MYH7: variants seen among roughly 807,000 people sequenced by gnomAD.
MYH7 encodes myosin heavy chain 7.
A neutral mutation model predicts 225.4 loss-of-function variants in MYH7; 129 were observed. The ratio of observed to expected loss-of-function variants is 0.57; its 90% CI spans 0.50 to 0.66. The LOEUF is 0.66. Among genes scored for constraint, MYH7 ranks in the 30% least tolerant of loss-of-function variants. The probability of loss-of-function intolerance (pLI) is 0.00; values close to 1 mark genes in which losing one functional copy is unlikely to be tolerated. For missense variants in MYH7, 1,649 were observed against 2,517.0 expected, an observed-to-expected ratio of 0.66 and a Z score of 7.38; for synonymous variants, 971 against 1,007.6, an observed-to-expected ratio of 0.96 and a Z score of 0.69.
At chr14:23,428,026 A>T (rs542026552) in intron 15 of MYH7, 132 bp from the exon 16 acceptor site, 1 of 1,156,700 alleles carries the variant, frequency 8.6e-7, no homozygotes, top group Admixed American at 2.2e-5. Context: ...CTCTGAGTAC[A>T]GTTATCTACT....
intron 29 of MYH7, among the ~76,000 whole-genome samples, chr14:23,418,935 C>G (rs1892347542): frequency 6.6e-6 from 1 of 152,172 alleles, no homozygotes; most frequent in African/African-American, 2.4e-5. Context: ...TCGTGCCTCC[C>G]TAGTTCATTT....
intron 11 of MYH7, 91 bp downstream of exon 11, chr14:23,430,469 C>G: frequency 9.6e-7 from 1 of 1,038,408 alleles, no homozygotes. Context: ...TTTAAACAAC[C>G]AATGGCCAGC....
In MYH7 at chr14:23,420,072, G is replaced by A. The variant is rs751695298; in HGVS notation, c.3499C>T (p.Arg1167Cys). 2 of 1,592,276 alleles carry A rather than the reference G, an allele frequency of 1.3e-6. No homozygotes were observed. Among genetic ancestry groups the A allele is most frequent in the Non-Finnish European group, 1.7e-6 (2 of 1,167,482 alleles). The change falls in exon 27 of 40, where the codon CGC becomes TGC. Residue 1167 changes from arginine (R) to cysteine (C), a missense_variant. Coordinates refer to ENST00000355349, the MANE Select transcript of MYH7 (RefSeq NM_000257.4). Reference sequence around the variant, plus strand: ...CGCATCTTCTGGAACTCGGCCTCGCGCTTCTTGTTCATCTCGATCTGCACG... The same window carrying A: ...CGCATCTTCTGGAACTCGGCCTCGCACTTCTTGTTCATCTCGATCTGCACG... ...TSVQIEMNKK[R>C]EAEFQKMRRD...
intron 31 of MYH7, 78 bp from the exon 32 acceptor site, chr14:23,417,396 G>T (rs1892265051): frequency 8.1e-6 from 13 of 1,611,404 alleles, no homozygotes; most frequent in Non-Finnish European, 1.1e-5. Context: ...ACCTGCCTGG[G>T]CTCAGCCCTC....
At chr14:23,421,196 G>A (rs2138656706) in intron 25 of MYH7, 148 bp from the exon 26 acceptor site, 1 of 690,614 alleles carries the variant, frequency 1.4e-6, no homozygotes, top group Non-Finnish European at 2.6e-6. Context: ...CCCTGGAAGT[G>A]TAACACCTGC....
At chr14:23,430,035 C>T in intron 11 of MYH7, 122 bp from the exon 12 acceptor site, 1 of 1,161,244 alleles carries the variant, frequency 8.6e-7, no homozygotes, top group South Asian at 1.3e-5. Context: ...GACTCCCATA[C>T]CCAGTGGGGA....
rs754470231 is a variant in MYH7, at chr14:23,424,805, C to A, written c.2643G>T (p.Leu881=). 6 of 1,614,088 alleles carry A rather than the reference C, an allele frequency of 3.7e-6. No homozygotes were observed. The African/African-American group carries it at 8.0e-5, about 22-fold the overall frequency. Residue 881 remains leucine (L), a synonymous_variant, in exon 22 of 40, where the codon CTG becomes CTT. Transcript: ENST00000355349. The part of the protein sequence containing the change: ...KELEEKMVSL[L]QEKNDLQLQV... Reference sequence around the variant, plus strand: ...GGAGCTGCAGGTCATTCTTCTCCTGCAGCAGGGACACCATCTTCTCCTCCA... The same window carrying A: ...GGAGCTGCAGGTCATTCTTCTCCTGAAGCAGGGACACCATCTTCTCCTCCA...
At chr14:23,431,985 C>A in intron 6 of MYH7, 116 bp from the exon 7 acceptor site, 3 of 1,082,746 alleles carry the variant, frequency 2.8e-6, no homozygotes, top group Non-Finnish European at 4.2e-6. Context: ...CAAGAAGCTG[C>A]CAGGTTATCT....
At chr14:23,427,997 G>A in intron 15 of MYH7, 103 bp from the exon 16 acceptor site, 2 of 1,438,064 alleles carry the variant, frequency 1.4e-6, no homozygotes, top group Non-Finnish European at 1.9e-6. Flanking sequence ...CATGTTGGGT[G>A]TTAAGGTAGT....
At chr14:23,431,517 G>A (rs1050436335) in intron 8 of MYH7, 36 bp from the exon 9 acceptor site, 2 of 1,613,652 alleles carry the variant, frequency 1.2e-6, no homozygotes, top group Admixed American at 3.3e-5. Context: ...TGAGTTGGGG[G>A]AAGGCTCATA....
rs1199149935 is a variant in MYH7, at chr14:23,433,117, G to A, written c.312C>T (p.Asn104=). 6.2e-7 allele frequency: 1 copy of A among 1,614,040 alleles called. No individual in the cohort carries two copies. The highest frequency in any genetic ancestry group is 8.5e-7 in the Non-Finnish European group (1 of 1,180,038). The part of the protein sequence containing the change: ...TFLHEPAVLY[N]LKDRYGSWMI... ...TCCAGGAGCCGTAGCGATCCTTGAG[G>A]TTGTAGAGCACCGCGGGCTCATGCA... Residue 104 remains asparagine (N), a synonymous_variant, in exon 4 of 40, where the codon AAC becomes AAT. Coordinates refer to ENST00000355349, the MANE Select transcript of MYH7 (RefSeq NM_000257.4). The surrounding 1 kb of genome is among the most constrained non-coding windows in gnomAD (Gnocchi z 4.1).
rs955983170 is a variant in MYH7 at position 23,431,773 on chromosome 14, C to T, written c.627G>A (p.Gln209=). The change falls in exon 7 of 40, where the codon CAG becomes CAA. Residue 209 remains glutamine (Q), a synonymous_variant. Transcript: ENST00000355349. Reference sequence around the variant, plus strand: ...GCAGCAGGCCTACCTTGCCCGGGCTCTGGTCCTTCTTGCTGCGGTCCCCAA... The same window carrying T: ...GCAGCAGGCCTACCTTGCCCGGGCTTTGGTCCTTCTTGCTGCGGTCCCCAA... ...AAIGDRSKKD[Q]SPGKGTLEDQ... The T allele has an allele frequency of 9.9e-6, 16 of 1,614,150 alleles. No homozygotes were observed. In the South Asian group the frequency reaches 1.3e-4, roughly 13 times the overall value.
intron 28 of MYH7, 69 bp downstream of exon 28, chr14:23,419,414 G>A (rs1020946868): frequency 8.7e-6 from 14 of 1,611,166 alleles, no homozygotes; most frequent in South Asian, 4.4e-5. Flanking sequence ...GCTTGTGCCC[G>A]AGGCTGGAGT....
chr14:23,419,886 C>G lies in MYH7; in HGVS notation c.3685G>C (p.Asp1229His). ...TGCTCCATGTTGGAGGTGACGTCAT[C>G]CAGCTCCAGCTTGAACTCGCTCTTC... is the stretch of plus-strand genomic sequence containing the variant. Reference protein sequence around the residue: ...KEKSEFKLELDDVTSNMEQII... With the variant: ...KEKSEFKLELHDVTSNMEQII... Residue 1229 changes from aspartate to histidine, a missense_variant, in exon 27 of 40, where the codon GAT becomes CAT. Physicochemically the swap from Asp to His is moderately conservative, Grantham distance 81 (BLOSUM62 -1). Around this residue, in one of 12 missense-constraint regions of MYH7, gnomAD observed 106 missense variants for 198.8 expected, o/e 0.53. Transcript: ENST00000355349. 6.2e-7 allele frequency: 1 copy of G among 1,613,684 alleles called. No homozygotes were observed. Among genetic ancestry groups the G allele is most frequent in the Non-Finnish European group, 8.5e-7 (1 of 1,179,794 alleles).
chr14:23,424,151 T>G lies in MYH7; in HGVS notation c.2680-2A>C. The G allele has an allele frequency of 6.2e-7, 1 of 1,614,128 alleles. No homozygotes were observed. On this transcript the variant is annotated splice_acceptor_variant, in intron 22 of 39. Coordinates refer to ENST00000355349, the MANE Select transcript of MYH7 (RefSeq NM_000257.4). LOFTEE classifies it high-confidence loss of function. ...AGCATCTGCCAGGTTGTCTTGTTCC[T>G]GAAGGTGAGGAACAGAGGGGAGGCT...
In MYH7 at chr14:23,415,536, G is replaced by A. The variant is rs968070325; in HGVS notation, c.5158-30C>T. The A allele has an allele frequency of 6.2e-6, 10 of 1,614,094 alleles. No homozygotes were observed. The highest frequency in any genetic ancestry group is 8.5e-6 in the Non-Finnish European group (10 of 1,180,016). ...GTTGGGGGAGGGTTGGGCAGAGCAGGAAAAGCATTGAGCATCTATGCATAG... is the reference window on the plus strand; with the variant it reads ...GTTGGGGGAGGGTTGGGCAGAGCAGAAAAAGCATTGAGCATCTATGCATAG... On this transcript the variant is annotated intron_variant, in intron 35 of 39. Coordinates refer to ENST00000355349, the MANE Select transcript of MYH7 (RefSeq NM_000257.4). The surrounding 1 kb of genome is among the most constrained non-coding windows in gnomAD (Gnocchi z 6.3).
Position 23,433,691 on chromosome 14 carries a change from G to C in MYH7, c.42C>G (p.Pro14=). ...SEMAVFGAAA[P]YLRKSEKERL... ...GCTCCTTCTCTGACTTGCGCAGGTA[G>C]GGGGCGGCAGCCCCAAAGACTGCCA... is the stretch of plus-strand genomic sequence containing the variant. Residue 14 remains proline, a synonymous_variant, in exon 3 of 40, where the codon CCC becomes CCG. Coordinates refer to ENST00000355349, the MANE Select transcript of MYH7 (RefSeq NM_000257.4). The surrounding 1 kb of genome is among the most constrained non-coding windows in gnomAD (Gnocchi z 4.1). 6.2e-7 allele frequency: 1 copy of C among 1,614,238 alleles called. No homozygotes were observed. Among genetic ancestry groups the C allele is most frequent in the Non-Finnish European group, 8.5e-7 (1 of 1,180,048 alleles).
rs766884630 is a variant in MYH7, at chr14:23,433,697, G to A, written c.36C>T (p.Ala12=). 10 of 1,614,208 alleles carry A rather than the reference G, an allele frequency of 6.2e-6. No individual in the cohort carries two copies. Among genetic ancestry groups the A allele is most frequent in the East Asian group, 2.2e-5 (1 of 44,882 alleles). ...GDSEMAVFGA[A]APYLRKSEKE... Reference sequence around the variant, plus strand: ...TCTCTGACTTGCGCAGGTAGGGGGCGGCAGCCCCAAAGACTGCCATCTCCG... The same window carrying A: ...TCTCTGACTTGCGCAGGTAGGGGGCAGCAGCCCCAAAGACTGCCATCTCCG... The change falls in exon 3 of 40, where the codon GCC becomes GCT. Residue 12 remains alanine (A), a synonymous_variant. Coordinates refer to ENST00000355349, the MANE Select transcript of MYH7 (RefSeq NM_000257.4). The surrounding 1 kb of genome is among the most constrained non-coding windows in gnomAD (Gnocchi z 4.1).
intron 15 of MYH7, among the ~76,000 whole-genome samples, chr14:23,428,258 G>A (rs1472986186): frequency 1.3e-5 from 2 of 152,138 alleles, no homozygotes; most frequent in Non-Finnish European, 2.9e-5. Flanking sequence ...TGCAGGTGTG[G>A]GAGGTCATCA....
Sources: gnomAD v4.1 joint callset for allele counts (sites outside exome capture counted in the v4.1 genomes callset) on GRCh38, gnomAD v4.1.1 for gene constraint, gnomAD v4.1.1 regional missense constraint, Gnocchi (gnomAD v3.1) non-coding constraint, MANE v1.5 for transcripts, NCBI Gene and HGNC (gene_info 2026-07-23, HGNC 2026-07-21) for gene names.